Variants in FBXO10 observed in about 807,000 individuals in gnomAD.
The protein encoded by FBXO10 is F-box protein 10.
A neutral mutation model predicts 80.7 loss-of-function variants in FBXO10; 39 were observed. That is an observed-to-expected ratio of 0.48 (90% CI 0.37 to 0.63). The LOEUF is 0.63. Among genes scored for constraint, FBXO10 ranks in the 30% least tolerant of loss-of-function variants. The probability of loss-of-function intolerance (pLI) is 0.00; values close to 1 mark genes in which losing one functional copy is unlikely to be tolerated. For synonymous variants in FBXO10, 449 were observed against 489.6 expected (o/e 0.92, Z 1.09); for missense variants, 1,025 against 1,269.0 (o/e 0.81, Z 2.92).
At chr9:37,541,063 A>G in intron 2 of FBXO10, 121 bp downstream of exon 2, 1 of 788,098 alleles carries the variant, frequency 1.3e-6, no homozygotes, top group Non-Finnish European at 2.0e-6. Context: ...TCAGAGGAGT[A>G]TGAGTATAAT....
chr9:37,551,113 G>A (rs1822187834), intron 1 of FBXO10, among the ~76,000 whole-genome samples: 1 of 152,192 alleles, frequency 6.6e-6, no homozygotes, highest in South Asian at 2.1e-4. Flanking sequence ...AAAGTCACTG[G>A]CCTGAAGTAT....
At chr9:37,533,849 G>A (rs1354620473) in intron 3 of FBXO10, among the ~76,000 whole-genome samples, 2 of 149,268 alleles carry the variant, frequency 1.3e-5, no homozygotes, top group African/African-American at 4.9e-5. Flanking sequence ...TCCAGCCTGG[G>A]CTAAACAGTG....
chr9:37,529,157 A>T lies in FBXO10; in HGVS notation c.1673T>A (p.Ile558Asn). 1 of 1,614,024 alleles carries T rather than the reference A, an allele frequency of 6.2e-7. No individual in the cohort carries two copies. The highest frequency in any genetic ancestry group is 8.5e-7 in the Non-Finnish European group (1 of 1,179,896). Residue 558 changes from isoleucine to asparagine, a missense_variant, in exon 5 of 11, where the codon ATT becomes AAT. This residue lies in a region of FBXO10 where 478 missense variants were observed against 667.8 expected (regional missense o/e 0.72). Transcript: ENST00000432825. ...NQIFSNKEAG[I>N]YILYHGNPVV... ...GGGGTTTCCGTGGTACAGGATGTAA[A>T]TGCCAGCCTCCTTATTGGAAAAGAT...
chr9:37,560,908 C>A (rs890623976), intron 1 of FBXO10, among the ~76,000 whole-genome samples: 5 of 151,978 alleles, frequency 3.3e-5, no homozygotes, highest in African/African-American at 1.2e-4. Flanking sequence ...TTTGGGAGGC[C>A]GAGGCAGGCA....
At chr9:37,556,295 C>T (rs767588901) in intron 1 of FBXO10, among the ~76,000 whole-genome samples, 12 of 151,616 alleles carry the variant, frequency 7.9e-5, no homozygotes, top group Non-Finnish European at 1.3e-4. Context: ...GCTCTAGATC[C>T]TAAAGATTTT....
chr9:37,570,908 C>A (rs572121766), intron 1 of FBXO10, among the ~76,000 whole-genome samples: 19 of 151,492 alleles, frequency 1.3e-4, no homozygotes, highest in Non-Finnish European at 1.5e-5. Flanking sequence ...GCAGGAGAAT[C>A]GCTTGAAACC....
intron 10 of FBXO10, 178 bp downstream of exon 10, chr9:37,515,726 G>A (rs951878850): frequency 5.6e-5 from 36 of 639,298 alleles, no homozygotes; most frequent in Non-Finnish European, 1.1e-5. Flanking sequence ...TTCCCTCCTG[G>A]GGAGTCCTCA....
At chr9:37,530,879 G>C (rs1313208671) in intron 4 of FBXO10, among the ~76,000 whole-genome samples, 1 of 152,212 alleles carries the variant, frequency 6.6e-6, no homozygotes, top group Non-Finnish European at 1.5e-5. Context: ...GGACTCAAGT[G>C]ATCTTCCTGC....
intron 1 of FBXO10, among the ~76,000 whole-genome samples, chr9:37,545,679 G>A (rs1053428038): frequency 2.0e-5 from 3 of 152,146 alleles, no homozygotes; most frequent in Non-Finnish European, 4.4e-5. Context: ...ATGTTCCATA[G>A]ATAACAAAAA....
At chr9:37,535,088 G>T (rs957350635) in intron 3 of FBXO10, among the ~76,000 whole-genome samples, 1 of 152,186 alleles carries the variant, frequency 6.6e-6, no homozygotes, top group African/African-American at 2.4e-5. Flanking sequence ...AAGATCTGAA[G>T]CGGAGAAAAC....
intron 1 of FBXO10, among the ~76,000 whole-genome samples, chr9:37,558,338 G>C (rs1263812976): frequency 6.6e-6 from 1 of 152,172 alleles, no homozygotes; most frequent in Non-Finnish European, 1.5e-5. Context: ...CTTGGAATAA[G>C]AGAGACCCAA....
intron 9 of FBXO10, among the ~76,000 whole-genome samples, chr9:37,517,155 T>A (rs1381007133): frequency 6.6e-6 from 1 of 152,070 alleles, no homozygotes; most frequent in Non-Finnish European, 1.5e-5. Context: ...GTGGGAGCTA[T>A]GCTAATGACG....
At chr9:37,562,076 G>A (rs1197159805) in intron 1 of FBXO10, among the ~76,000 whole-genome samples, 1 of 152,206 alleles carries the variant, frequency 6.6e-6, no homozygotes. Flanking sequence ...GCACCTGTGA[G>A]GCACTGGAAG....
chr9:37,523,923 A>G (rs937687613), intron 6 of FBXO10, among the ~76,000 whole-genome samples: 1 of 152,316 alleles, frequency 6.6e-6, no homozygotes, highest in Admixed American at 6.5e-5. Context: ...TTCCGTCTCA[A>G]AAAAAATAAA....
intron 1 of FBXO10, among the ~76,000 whole-genome samples, chr9:37,547,285 G>A (rs1405954355): frequency 6.6e-6 from 1 of 152,154 alleles, no homozygotes; most frequent in South Asian, 2.1e-4. Flanking sequence ...GAACATGTAT[G>A]AACCTCAAAA....
chr9:37,537,922 A>T lies in FBXO10; in HGVS notation c.607T>A (p.Phe203Ile). ...CCGTTCTCAAAGTTGCAGTTGTCAA[A>T]CTGGACGTGACCTGATGTTGTCTGG... The part of the protein sequence containing the change: ...MYKTTSGHVQ[F>I]DNCNFENGHI... The change falls in exon 3 of 11, where the codon TTT becomes ATT. Residue 203 changes from phenylalanine to isoleucine, a missense_variant. Physicochemically the swap from Phe to Ile is conservative, Grantham distance 21. Around this residue, in one of 3 missense-constraint regions of FBXO10, gnomAD observed 450 missense variants for 499.4 expected, o/e 0.90. Transcript: ENST00000432825. 6.2e-7 allele frequency: 1 copy of T among 1,613,846 alleles called. No homozygotes were observed. Among genetic ancestry groups the T allele is most frequent in the Non-Finnish European group, 8.5e-7 (1 of 1,179,798 alleles).
chr9:37,541,005 T>C (rs1369226656), intron 2 of FBXO10, among the ~76,000 whole-genome samples, 179 bp downstream of exon 2: 2 of 152,218 alleles, frequency 1.3e-5, no homozygotes, highest in African/African-American at 4.8e-5. Flanking sequence ...TAAAGCAGAA[T>C]TCTGAACTCT....
rs141160300 is a variant in FBXO10 at position 37,544,218 on chromosome 9, G to A, written c.-6-2444C>T. Among the ~76,000 whole-genome samples, 533 of 152,136 alleles carry A rather than the reference G, an allele frequency of 3.5e-3. 4 individuals are homozygous for A. Among genetic ancestry groups the A allele is most frequent in the African/African-American group, 0.012 (494 of 41,516 alleles). On this transcript the variant is annotated intron_variant, in intron 1 of 10. Transcript: ENST00000432825. ...TGGGAGGTGGAGGTTGCAGTGAGCC[G>A]AGATCGTGCCACTATACTCCAGCCT...
intron 1 of FBXO10, among the ~76,000 whole-genome samples, chr9:37,548,390 A>C (rs1822110892): frequency 6.6e-6 from 1 of 152,202 alleles, no homozygotes; most frequent in South Asian, 2.1e-4. Context: ...ATCTCAAAAA[A>C]TAAAAAATAA....
Sources: gnomAD v4.1 joint callset for allele counts (sites outside exome capture counted in the v4.1 genomes callset) on GRCh38, gnomAD v4.1.1 for gene constraint, gnomAD v4.1.1 regional missense constraint, MANE v1.5 for transcripts, NCBI Gene and HGNC (gene_info 2026-07-23, HGNC 2026-07-21) for gene names.